The following SLC28A3 variants were observed in gnomAD, a reference collection of about 807,000 sequenced individuals.
SLC28A3 encodes concentrative Na(+)-nucleoside cotransporter 3.
In SLC28A3, 68 loss-of-function variants were observed where a neutral mutation model predicts 84.2. The ratio of observed to expected loss-of-function variants is 0.81; its 90% CI spans 0.66 to 0.99. SLC28A3 has a LOEUF of 0.99. Among genes scored for constraint, SLC28A3 ranks in the 50% least tolerant of loss-of-function variants. The probability of loss-of-function intolerance (pLI) is 0.00; values close to 1 mark genes in which losing one functional copy is unlikely to be tolerated. For missense variants in SLC28A3, 712 were observed against 841.5 expected, an observed-to-expected ratio of 0.85 and a Z score of 1.90; for synonymous variants, 267 against 303.6, an observed-to-expected ratio of 0.88 and a Z score of 1.25.
intron 8 of SLC28A3, among the ~76,000 whole-genome samples, chr9:84,296,295 A>G (rs1825413269): frequency 6.6e-6 from 1 of 152,202 alleles, no homozygotes; most frequent in Non-Finnish European, 1.5e-5. Flanking sequence ...GAAATGCTGT[A>G]TAAACTGCAG....
intron 1 of SLC28A3, among the ~76,000 whole-genome samples, chr9:84,339,208 G>C (rs1004995784): frequency 6.6e-6 from 1 of 151,758 alleles, no homozygotes; most frequent in African/African-American, 2.4e-5. Flanking sequence ...AGGTTTTTCC[G>C]TTTCTTTTAT....
intron 1 of SLC28A3, among the ~76,000 whole-genome samples, chr9:84,333,148 A>G (rs1267787774): frequency 6.6e-6 from 1 of 152,212 alleles, no homozygotes; most frequent in Non-Finnish European, 1.5e-5. Context: ...GGCAAAGGAA[A>G]AATGTGGAGA....
chr9:84,299,116 C>T (rs957659275), intron 6 of SLC28A3, among the ~76,000 whole-genome samples: 32 of 152,014 alleles, frequency 2.1e-4, no homozygotes, highest in African/African-American at 6.3e-4. Context: ...TCACGGGTTA[C>T]CAGTGGACAG....
chr9:84,315,558 G>T (rs1217203274), intron 1 of SLC28A3, among the ~76,000 whole-genome samples: 1 of 152,140 alleles, frequency 6.6e-6, no homozygotes, highest in Non-Finnish European at 1.5e-5. Flanking sequence ...GGATAGAGTG[G>T]GCACTCCTTT....
chr9:84,296,378 TCTTTTTTCAGC>T (rs1028365989), intron 8 of SLC28A3, among the ~76,000 whole-genome samples: 2 of 152,244 alleles, frequency 1.3e-5, no homozygotes, highest in Non-Finnish European at 2.9e-5. Context: ...TTAGGCTGAA[TCTTTTTTCAGC>T]CTAAAAGTTG....
chr9:84,299,827 C>G (rs1023970038), intron 5 of SLC28A3, 102 bp from the exon 6 acceptor site: 2 of 1,341,338 alleles, frequency 1.5e-6, no homozygotes, highest in African/African-American at 3.0e-5. Context: ...GAGTCTTGCT[C>G]TGTTGCCCAG....
At chr9:84,329,756 G>A (rs1246396068) in intron 1 of SLC28A3, among the ~76,000 whole-genome samples, 2 of 152,032 alleles carry the variant, frequency 1.3e-5, no homozygotes, top group Non-Finnish European at 2.9e-5. Context: ...AAATAAAGCT[G>A]AGCACAGTGA....
chr9:84,311,389 C>T (rs1325319534), intron 2 of SLC28A3, among the ~76,000 whole-genome samples: 6 of 151,846 alleles, frequency 4.0e-5, no homozygotes, highest in Admixed American at 3.9e-4. Flanking sequence ...ATCAAATGAA[C>T]CCAGAGAAGT....
the SLC28A3 span, among the ~76,000 whole-genome samples, chr9:84,355,237 G>A: frequency 6.6e-6 from 1 of 152,078 alleles, no homozygotes; most frequent in Non-Finnish European, 1.5e-5. Flanking sequence ...GAGGCCAGGA[G>A]TTGGAGATCA....
intron 5 of SLC28A3, 26 bp downstream of exon 5, chr9:84,302,174 G>A: frequency 6.2e-7 from 1 of 1,604,384 alleles, no homozygotes; most frequent in Non-Finnish European, 8.5e-7. Flanking sequence ...TCTCTTAACT[G>A]AAATAAGAGA....
the SLC28A3 span, among the ~76,000 whole-genome samples, chr9:84,361,970 G>T: frequency 2.0e-5 from 3 of 148,220 alleles, no homozygotes; most frequent in African/African-American, 7.6e-5. Context: ...AAGGGAAAGG[G>T]TTTGGAGGTT....
At chr9:84,278,629 C>G (rs1239350616) in intron 17 of SLC28A3, among the ~76,000 whole-genome samples, 1 of 152,014 alleles carries the variant, frequency 6.6e-6, no homozygotes, top group Non-Finnish European at 1.5e-5. Context: ...TGTGGGAACA[C>G]TGATTTTGCA....
intron 8 of SLC28A3, 70 bp from the exon 9 acceptor site, chr9:84,294,345 C>T: frequency 7.0e-7 from 1 of 1,424,344 alleles, no homozygotes; most frequent in Non-Finnish European, 9.9e-7. Context: ...TATCAGGCCT[C>T]CTCTCTGTCT....
the SLC28A3 span, among the ~76,000 whole-genome samples, chr9:84,345,954 A>C: frequency 6.6e-6 from 1 of 152,224 alleles, no homozygotes; most frequent in Non-Finnish European, 1.5e-5. Flanking sequence ...TTGTGATCAG[A>C]AAATGAGATG....
intron 12 of SLC28A3, 63 bp from the exon 13 acceptor site, chr9:84,286,174 T>C (rs1276510760): frequency 3.3e-6 from 5 of 1,514,952 alleles, no homozygotes; most frequent in Non-Finnish European, 4.5e-6. Flanking sequence ...ACACCATTGG[T>C]GCAGAAGTAG....
chr9:84,306,611 A>G (rs1038911397), intron 3 of SLC28A3, among the ~76,000 whole-genome samples: 15 of 152,100 alleles, frequency 9.9e-5, no homozygotes, highest in Admixed American at 6.5e-5. Context: ...CATTAACCTT[A>G]GTGAAACCTG....
chr9:84,351,868 C>G, the SLC28A3 span, among the ~76,000 whole-genome samples: 1 of 150,308 alleles, frequency 6.7e-6, no homozygotes, highest in Admixed American at 6.6e-5. Context: ...TGATTTTACT[C>G]CCAAAGGGTT....
intron 1 of SLC28A3, among the ~76,000 whole-genome samples, chr9:84,318,171 G>A (rs1365829333): frequency 3.0e-4 from 45 of 152,124 alleles, no homozygotes; most frequent in Admixed American, 2.9e-3. Context: ...GAGTTAATGG[G>A]CACTAGCTAG....
chr9:84,303,096 T>C (rs902836470), intron 4 of SLC28A3, among the ~76,000 whole-genome samples: 1 of 152,164 alleles, frequency 6.6e-6, no homozygotes, highest in Non-Finnish European at 1.5e-5. Context: ...GAGCCTGTCT[T>C]GGCCAAGGGG....
Sources: gnomAD v4.1 joint callset for allele counts (sites outside exome capture counted in the v4.1 genomes callset) on GRCh38, gnomAD v4.1.1 for gene constraint, MANE v1.5 for transcripts, NCBI Gene and HGNC (gene_info 2026-07-23, HGNC 2026-07-21) for gene names.